MCU: variants seen among roughly 807,000 people sequenced by gnomAD.
The protein encoded by MCU is mitochondrial calcium uniporter, also known as calcium uniporter protein, mitochondrial.
MCU carries 12 observed loss-of-function variants against 45.2 expected under a neutral mutation model. The observed-to-expected ratio is 0.27, with a 90% confidence interval of 0.17 to 0.43. The LOEUF is 0.43. Ranked by LOEUF, MCU falls within the 20% of genes least tolerant of loss-of-function variation. The probability of loss-of-function intolerance (pLI) is 1.00; values close to 1 mark genes in which losing one functional copy is unlikely to be tolerated. For synonymous variants in MCU, 160 were observed against 165.1 expected (o/e 0.97, Z 0.24); for missense variants, 324 against 436.7 (o/e 0.74, Z 2.30).
chr10:72,752,311 G>A (rs975079968), intron 1 of MCU, among the ~76,000 whole-genome samples: 1 of 150,116 alleles, frequency 6.7e-6, no homozygotes, highest in African/African-American at 2.5e-5. Flanking sequence ...GGTCAGGCTG[G>A]TCTTGAACTC....
intron 1 of MCU, among the ~76,000 whole-genome samples, chr10:72,805,164 T>C (rs1844423845): frequency 7.3e-6 from 1 of 137,142 alleles, no homozygotes; most frequent in East Asian, 2.0e-4. Context: ...TCTTTCTGTC[T>C]CTCTCTCTCT....
At chr10:72,804,874 C>T (rs962472480) in intron 1 of MCU, among the ~76,000 whole-genome samples, 6 of 152,180 alleles carry the variant, frequency 3.9e-5, no homozygotes, top group Non-Finnish European at 7.4e-5. Flanking sequence ...CAGGCCCAAG[C>T]GATCTTGCCA....
chr10:72,706,737 A>G (rs1238619474), intron 1 of MCU, among the ~76,000 whole-genome samples: 6 of 151,130 alleles, frequency 4.0e-5, no homozygotes, highest in Non-Finnish European at 1.5e-5. Context: ...GGGTTTCACC[A>G]TGTTGGCCAG....
intron 6 of MCU, among the ~76,000 whole-genome samples, chr10:72,881,457 G>A (rs1005594204): frequency 6.6e-6 from 1 of 152,178 alleles, no homozygotes; most frequent in African/African-American, 2.4e-5. Flanking sequence ...GGGAGGCTGA[G>A]ATGGGAGGAT....
chr10:72,740,370 T>G (rs924383734), intron 1 of MCU, among the ~76,000 whole-genome samples: 1 of 148,276 alleles, frequency 6.7e-6, no homozygotes, highest in Non-Finnish European at 1.5e-5. Context: ...AGAGTGAGAC[T>G]CTGTCTCAAA....
chr10:72,805,293 G>A (rs1361484986), intron 1 of MCU, among the ~76,000 whole-genome samples: 4 of 149,302 alleles, frequency 2.7e-5, no homozygotes, highest in East Asian at 2.0e-4. Flanking sequence ...CTGTTGCCCA[G>A]GCTGGAGTGT....
chr10:72,746,615 G>T (rs1843418499), intron 1 of MCU, among the ~76,000 whole-genome samples: 1 of 152,172 alleles, frequency 6.6e-6, no homozygotes, highest in African/African-American at 2.4e-5. Context: ...AATGTCTGAA[G>T]TTGTCTCCAA....
chr10:72,730,236 C>T (rs550955875), intron 1 of MCU, among the ~76,000 whole-genome samples: 46 of 151,812 alleles, frequency 3.0e-4, no homozygotes, highest in Admixed American at 2.5e-3. Context: ...GCTGGGATTA[C>T]AGGCATGAGC....
At chr10:72,783,074 G>A (rs77175713) in intron 1 of MCU, among the ~76,000 whole-genome samples, 2,939 of 152,252 alleles carry the variant, frequency 0.019, 103 homozygotes, top group African/African-American at 0.067. Context: ...AAGTATTTGT[G>A]GAATGCACTT....
At chr10:72,785,766 G>T (rs370716616) in intron 1 of MCU, among the ~76,000 whole-genome samples, 1 of 152,168 alleles carries the variant, frequency 6.6e-6, no homozygotes, top group African/African-American at 2.4e-5. Flanking sequence ...TATTATGTAC[G>T]TATAGCTACT....
In MCU at chr10:72,864,537, A is replaced by G. The variant is rs1198289600; in HGVS notation, c.496+4010A>G. Among the ~76,000 whole-genome samples, 5 of 151,736 alleles carry G rather than the reference A, an allele frequency of 3.3e-5. No homozygotes were observed. The East Asian group carries it at 7.7e-4, about 23-fold the overall frequency. Reference sequence around the variant, plus strand: ...ATAAATTTATTTTCCCTTCTTTATGATTTTAATGTTTTATTTTCTCTAGCT... The same window carrying G: ...ATAAATTTATTTTCCCTTCTTTATGGTTTTAATGTTTTATTTTCTCTAGCT... On this transcript the variant is annotated intron_variant, in intron 4 of 7. Transcript: ENST00000373053.
In MCU at chr10:72,834,668, A is replaced by G. The variant is rs114539085; in HGVS notation, c.220+240A>G. ...GACTTTATAGGTTAAATGATCATTT[A>G]TCTTTTATTTTTGAGATGGAGCCTT... On this transcript the variant is annotated intron_variant, in intron 2 of 7. Coordinates refer to ENST00000373053, the MANE Select transcript of MCU (RefSeq NM_138357.3). Among the ~76,000 whole-genome samples, 556 of 152,246 alleles carry G rather than the reference A, an allele frequency of 3.7e-3. 4 individuals carry two copies. Among genetic ancestry groups the G allele is most frequent in the African/African-American group, 0.013 (539 of 41,540 alleles).
rs1564561716 is a variant in MCU, at chr10:72,804,064, AT to A, written c.151-30294del. 1.7e-4 allele frequency among the ~76,000 whole-genome samples: 14 copies of A among 80,144 alleles called. 1 individual carries two copies. Among genetic ancestry groups the A allele is most frequent in the African/African-American group, 4.9e-4 (8 of 16,204 alleles). The allele number at this position is 80,144 out of a possible 152,430, so 52.6% of individuals were successfully genotyped here. On this transcript the variant is annotated intron_variant, in intron 1 of 7. Coordinates refer to ENST00000373053, the MANE Select transcript of MCU (RefSeq NM_138357.3). ...TATATATATATATATATATATATATATATATATATAAAATAAGAGTGCCAAC... is the reference window on the plus strand; with the variant it reads ...TATATATATATATATATATATATATAATATATATAAAATAAGAGTGCCAAC...
At chr10:72,835,844 G>T (rs1327784857) in intron 2 of MCU, among the ~76,000 whole-genome samples, 1 of 152,228 alleles carries the variant, frequency 6.6e-6, no homozygotes, top group East Asian at 1.9e-4. Flanking sequence ...CAGAAAGGTA[G>T]CTGTGTTGCC....
intron 2 of MCU, among the ~76,000 whole-genome samples, chr10:72,855,685 G>T (rs1202697655): frequency 6.6e-6 from 1 of 152,154 alleles, no homozygotes; most frequent in African/African-American, 2.4e-5. Context: ...TAGAGGAAAA[G>T]TAGAAGAAAG....
chr10:72,847,976 A>G (rs1212048695), intron 2 of MCU, among the ~76,000 whole-genome samples: 1 of 152,222 alleles, frequency 6.6e-6, no homozygotes, highest in Non-Finnish European at 1.5e-5. Context: ...ACAAGAGACC[A>G]AAGCAGAAGT....
intron 1 of MCU, among the ~76,000 whole-genome samples, chr10:72,735,820 A>G (rs1589437552): frequency 6.6e-6 from 1 of 152,178 alleles, no homozygotes; most frequent in Non-Finnish European, 1.5e-5. Context: ...TATATAGAAT[A>G]TCTTTGTGGA....
At chr10:72,788,233 A>C (rs1844105494) in intron 1 of MCU, among the ~76,000 whole-genome samples, 1 of 152,252 alleles carries the variant, frequency 6.6e-6, no homozygotes, top group Non-Finnish European at 1.5e-5. Flanking sequence ...ATATGACTCC[A>C]GTTGGTTAAA....
rs1323675207 is a variant in MCU at position 72,821,005 on chromosome 10, GT to G, written c.151-13352del. 5.3e-5 allele frequency among the ~76,000 whole-genome samples: 8 copies of G among 151,776 alleles called. No homozygotes were observed. The East Asian group carries it at 1.6e-3, about 29-fold the overall frequency. On this transcript the variant is annotated intron_variant, in intron 1 of 7. Coordinates refer to ENST00000373053, the MANE Select transcript of MCU (RefSeq NM_138357.3). ...TCAGTATTGAGACCAGAACTTGAAT[GT>G]TGTACATACAATTCTATTCCTAGAT...
Sources: allele counts gnomAD v4.1 joint callset (sites outside exome capture counted in the v4.1 genomes callset), GRCh38; gene constraint gnomAD v4.1.1; transcripts MANE v1.5; gene names NCBI Gene and HGNC (gene_info 2026-07-23, HGNC 2026-07-21).